Variants in PLGRKT observed in about 807,000 individuals in gnomAD.
PLGRKT encodes the protein plasminogen receptor with a C-terminal lysine.
In PLGRKT, 22 loss-of-function variants were observed where a neutral mutation model predicts 18.5. The ratio of observed to expected loss-of-function variants is 1.19; its 90% CI spans 0.85 to 1.70. The LOEUF (loss-of-function observed/expected upper bound fraction) is 1.70. Ranked by LOEUF, PLGRKT falls within the 40% of genes most tolerant of loss-of-function variation. The probability of loss-of-function intolerance (pLI) is 0.00; values close to 1 mark genes in which losing one functional copy is unlikely to be tolerated. For missense variants in PLGRKT, 235 were observed against 174.4 expected, an observed-to-expected ratio of 1.35 and a Z score of -1.96; for synonymous variants, 72 against 52.8, an observed-to-expected ratio of 1.36 and a Z score of -1.58.
chr9:5,359,438 T>A (rs941661468), intron 5 of PLGRKT, among the ~76,000 whole-genome samples: 1 of 152,168 alleles, frequency 6.6e-6, no homozygotes, highest in Non-Finnish European at 1.5e-5. Context: ...CATCTGCAAA[T>A]GTCTTATTTT....
chr9:5,382,793 T>C (rs764285287), intron 3 of PLGRKT, among the ~76,000 whole-genome samples: 2 of 152,192 alleles, frequency 1.3e-5, no homozygotes, highest in African/African-American at 2.4e-5. Context: ...CAGGTGCTGA[T>C]GTTGCCTTGA....
At chr9:5,432,468 G>A (rs1044629550) in intron 2 of PLGRKT, among the ~76,000 whole-genome samples, 2 of 152,098 alleles carry the variant, frequency 1.3e-5, no homozygotes, top group African/African-American at 4.8e-5. Flanking sequence ...TTGCATTTGC[G>A]TTTTAAGAAG....
At chr9:5,412,314 G>C (rs923122895) in intron 3 of PLGRKT, among the ~76,000 whole-genome samples, 5 of 152,176 alleles carry the variant, frequency 3.3e-5, no homozygotes, top group Non-Finnish European at 5.9e-5. Context: ...AATGGATTTG[G>C]AATCTAAATG....
In PLGRKT at chr9:5,385,485, T is replaced by C. The variant is rs557649718; in HGVS notation, c.82-23597A>G. Among the ~76,000 whole-genome samples, 42 of 151,844 alleles carry C rather than the reference T, an allele frequency of 2.8e-4. 2 individuals carry two copies. The highest frequency in any genetic ancestry group is 1.0e-3 in the African/African-American group (42 of 41,224). ...CCTCAGCTACCGCGCCTGGCCAAGATCATTTTTTAACTCTGGAATAATTAA... is the reference window on the plus strand; with the variant it reads ...CCTCAGCTACCGCGCCTGGCCAAGACCATTTTTTAACTCTGGAATAATTAA... On this transcript the variant is annotated intron_variant, in intron 3 of 5. Coordinates refer to ENST00000223864, the MANE Select transcript of PLGRKT (RefSeq NM_018465.4).
chr9:5,399,812 A>G (rs1818122076), intron 3 of PLGRKT, among the ~76,000 whole-genome samples: 1 of 151,618 alleles, frequency 6.6e-6, no homozygotes, highest in South Asian at 2.1e-4. Flanking sequence ...CAACATGGCT[A>G]AACTACGTCG....
chr9:5,407,241 A>T (rs1321318739), intron 3 of PLGRKT, among the ~76,000 whole-genome samples: 1 of 152,230 alleles, frequency 6.6e-6, no homozygotes, highest in Non-Finnish European at 1.5e-5. Flanking sequence ...ACCATAATAA[A>T]TAAAATCCTA....
intron 3 of PLGRKT, among the ~76,000 whole-genome samples, chr9:5,411,154 C>T (rs951781203): frequency 2.6e-5 from 4 of 151,944 alleles, no homozygotes; most frequent in African/African-American, 9.7e-5. Context: ...GAGGCCGAGG[C>T]AGGTGGACCA....
intron 3 of PLGRKT, among the ~76,000 whole-genome samples, chr9:5,412,755 T>C (rs1434364483): frequency 1.3e-5 from 2 of 152,162 alleles, no homozygotes; most frequent in Admixed American, 6.5e-5. Flanking sequence ...GTAAATAAAA[T>C]ATTGGTAACT....
intron 3 of PLGRKT, among the ~76,000 whole-genome samples, chr9:5,414,146 G>C (rs1818415472): frequency 6.6e-6 from 1 of 152,060 alleles, no homozygotes; most frequent in Admixed American, 6.6e-5. Context: ...GGGAGAAAGA[G>C]GAAGAACATT....
chr9:5,408,993 G>A (rs1276579596), intron 3 of PLGRKT, among the ~76,000 whole-genome samples: 2 of 152,232 alleles, frequency 1.3e-5, no homozygotes, highest in Non-Finnish European at 2.9e-5. Context: ...AAGAGTTGAG[G>A]CTTGGGAGCC....
rs1354811501 is a variant in PLGRKT at position 5,398,030 on chromosome 9, G to C, written c.81+33867C>G. On this transcript the variant is annotated intron_variant, in intron 3 of 5. Transcript: ENST00000223864. ...GTGCCCACATCCGAATGGATGCATA[G>C]AGCAAAGCCTGAACCACACTGAGGA... Among the ~76,000 whole-genome samples the C allele has an allele frequency of 9.9e-5, 15 of 151,914 alleles. 1 individual carries two copies. Among genetic ancestry groups the C allele is most frequent in the Admixed American group, 3.9e-4 (6 of 15,272 alleles).
chr9:5,385,137 G>GT (rs1817818276), intron 3 of PLGRKT, among the ~76,000 whole-genome samples: 2 of 152,152 alleles, frequency 1.3e-5, no homozygotes, highest in African/African-American at 4.8e-5. Flanking sequence ...CCTGTGGAAG[G>GT]TTTTGAAACA....
At chr9:5,366,886 C>T (rs1173655772) in intron 3 of PLGRKT, among the ~76,000 whole-genome samples, 2 of 151,882 alleles carry the variant, frequency 1.3e-5, no homozygotes, top group African/African-American at 4.8e-5. Context: ...AATAAATAGA[C>T]CTAATAAACA....
At position 5,402,020 on chromosome 9, in the gene PLGRKT, C is replaced by T. The variant is rs140009762; in HGVS notation, c.81+29877G>A. On this transcript the variant is annotated intron_variant, in intron 3 of 5. Coordinates refer to ENST00000223864, the MANE Select transcript of PLGRKT (RefSeq NM_018465.4). ...ACCCAAAAATTTAATTTGTAATTATCGCAGGTATGTAAAGCAGTTTGAGAG... is the reference window on the plus strand; with the variant it reads ...ACCCAAAAATTTAATTTGTAATTATTGCAGGTATGTAAAGCAGTTTGAGAG... Among the ~76,000 whole-genome samples, 8 of 151,712 alleles carry T rather than the reference C, an allele frequency of 5.3e-5. No individual in the cohort carries two copies. The East Asian group carries it at 1.2e-3, about 22-fold the overall frequency.
At chr9:5,398,879 A>G (rs1818102563) in intron 3 of PLGRKT, among the ~76,000 whole-genome samples, 1 of 151,842 alleles carries the variant, frequency 6.6e-6, no homozygotes, top group Non-Finnish European at 1.5e-5. Flanking sequence ...ACTGAGAACC[A>G]GTCAATGCAG....
At chr9:5,381,479 G>T (rs962574378) in intron 3 of PLGRKT, among the ~76,000 whole-genome samples, 1 of 152,236 alleles carries the variant, frequency 6.6e-6, no homozygotes, top group Non-Finnish European at 1.5e-5. Context: ...GTGCACAGAA[G>T]TCAAGAACTG....
At chr9:5,436,507 G>C (rs542979223) in intron 2 of PLGRKT, 62 bp downstream of exon 2, 3 of 152,326 alleles carry the variant, frequency 2.0e-5, no homozygotes, top group African/African-American at 7.2e-5. Context: ...TGAAAAGAGA[G>C]AGTCCTCATG....
intron 3 of PLGRKT, among the ~76,000 whole-genome samples, chr9:5,375,260 C>T (rs367653815): frequency 3.9e-5 from 6 of 152,076 alleles, no homozygotes; most frequent in African/African-American, 7.2e-5. Flanking sequence ...TATTGACATG[C>T]GAGCTAAGAT....
At chr9:5,434,631 C>G (rs934164549) in intron 2 of PLGRKT, among the ~76,000 whole-genome samples, 7 of 148,824 alleles carry the variant, frequency 4.7e-5, no homozygotes, top group African/African-American at 1.7e-4. Flanking sequence ...CTCTGCCTGG[C>G]CACCCATCAT....
Sources: gnomAD v4.1 joint callset for allele counts (sites outside exome capture counted in the v4.1 genomes callset) on GRCh38, gnomAD v4.1.1 for gene constraint, MANE v1.5 for transcripts, NCBI Gene and HGNC (gene_info 2026-07-23, HGNC 2026-07-21) for gene names.